Variants in CDYL2 observed in about 807,000 individuals in gnomAD.
CDYL2 encodes chromodomain Y-like protein 2.
In CDYL2, 23 loss-of-function variants were observed where a neutral mutation model predicts 49.4. The observed-to-expected ratio is 0.47, with a 90% CI of 0.34 to 0.66. The LOEUF (loss-of-function observed/expected upper bound fraction) is 0.66. Ranked by LOEUF, CDYL2 falls within the 30% of genes least tolerant of loss-of-function variation. CDYL2 has a pLI of 0.01. For missense variants in CDYL2, 678 were observed against 656.4 expected (o/e 1.03, Z -0.36); for synonymous variants, 360 against 268.8 (o/e 1.34, Z -3.32).
intron 2 of CDYL2, among the ~76,000 whole-genome samples, chr16:80,638,209 G>A (rs912993786): frequency 3.3e-5 from 5 of 151,956 alleles, no homozygotes; most frequent in Non-Finnish European, 7.4e-5. Flanking sequence ...CAAGTAGCTG[G>A]GACTACAGGC....
intron 2 of CDYL2, among the ~76,000 whole-genome samples, chr16:80,672,535 AAAAGGAAAGGAAAGG>A (rs58509953): frequency 0.012 from 551 of 46,312 alleles, 3 homozygotes; most frequent in African/African-American, 0.023. Context: ...AAGGAAAAGG[AAAAGGAAAGGAAAGG>A]AAAGGAAAGG....
intron 2 of CDYL2, among the ~76,000 whole-genome samples, chr16:80,642,600 G>A (rs1908149151): frequency 6.6e-6 from 1 of 152,252 alleles, no homozygotes; most frequent in South Asian, 2.1e-4. Context: ...AGACTGGGAA[G>A]AAAAAGAGGT....
At position 80,769,588 on chromosome 16, in the gene CDYL2, T is replaced by C. The variant is rs535885411; in HGVS notation, c.24+34562A>G. Among the ~76,000 whole-genome samples the C allele has an allele frequency of 2.0e-5, 3 of 152,266 alleles. No homozygotes were observed. In the East Asian group the frequency reaches 5.8e-4, roughly 29 times the overall value. On this transcript the variant is annotated intron_variant, in intron 1 of 6. Coordinates refer to ENST00000570137, the MANE Select transcript of CDYL2 (RefSeq NM_152342.4). ...ATAGGGAGGAACCTTCAGCAGACAA[T>C]GTAAGCTTCTGGTCATGTCAACAGG... is the stretch of plus-strand genomic sequence containing the variant.
intron 1 of CDYL2, among the ~76,000 whole-genome samples, chr16:80,712,674 G>T (rs1904660701): frequency 6.6e-6 from 1 of 152,092 alleles, no homozygotes; most frequent in African/African-American, 2.4e-5. Flanking sequence ...CCCCCAAAAG[G>T]TGCCTATGGG....
rs150886950 is a variant in CDYL2 at position 80,740,591 on chromosome 16, G to T, written c.25-55462C>A. 8.2e-4 allele frequency among the ~76,000 whole-genome samples: 125 copies of T among 152,238 alleles called. 1 individual carries two copies. The East Asian group carries it at 0.021, about 25-fold the overall frequency. On this transcript the variant is annotated intron_variant, in intron 1 of 6. Coordinates refer to ENST00000570137, the MANE Select transcript of CDYL2 (RefSeq NM_152342.4). ...CAAAAGAATCTCTAAAATATTATTTGCATACACAGTCATATATCTTCACAG... is the reference window on the plus strand; with the variant it reads ...CAAAAGAATCTCTAAAATATTATTTTCATACACAGTCATATATCTTCACAG...
At chr16:80,648,986 T>C (rs894830627) in intron 2 of CDYL2, among the ~76,000 whole-genome samples, 1 of 152,054 alleles carries the variant, frequency 6.6e-6, no homozygotes, top group Non-Finnish European at 1.5e-5. Context: ...ATAGAAGGAA[T>C]ATACCTCAAC....
chr16:80,709,633 C>T (rs922111616), intron 1 of CDYL2, among the ~76,000 whole-genome samples: 4 of 151,690 alleles, frequency 2.6e-5, no homozygotes, highest in African/African-American at 7.3e-5. Flanking sequence ...GTTCACCAAG[C>T]GAGTGTGTTC....
At chr16:80,710,704 C>T (rs769457665) in intron 1 of CDYL2, among the ~76,000 whole-genome samples, 1 of 152,020 alleles carries the variant, frequency 6.6e-6, no homozygotes, top group Admixed American at 6.6e-5. Context: ...ATCTATTGTA[C>T]ATCTTGAAAA....
intron 1 of CDYL2, among the ~76,000 whole-genome samples, chr16:80,794,598 A>ATTTTTTT (rs966789395): frequency 9.0e-5 from 6 of 66,864 alleles, no homozygotes; most frequent in Non-Finnish European, 1.2e-4. Flanking sequence ...ATTCCCAGTG[A>ATTTTTTT]TTTTTTTTTT....
At chr16:80,791,368 T>A (rs999004508) in intron 1 of CDYL2, among the ~76,000 whole-genome samples, 3 of 152,216 alleles carry the variant, frequency 2.0e-5, no homozygotes, top group Non-Finnish European at 4.4e-5. Context: ...TTAAACAGAT[T>A]GGTTTTTGAG....
intron 5 of CDYL2, among the ~76,000 whole-genome samples, chr16:80,608,894 C>T (rs758067017): frequency 2.0e-5 from 3 of 152,226 alleles, no homozygotes; most frequent in Non-Finnish European, 4.4e-5. Flanking sequence ...TTCTGCTTTC[C>T]AGCTGGGAGA....
Position 80,599,121 on chromosome 16 carries a change from A to G in CDYL2, c.*5267T>C, listed in dbSNP as rs532109997. The G allele has an allele frequency of 2.0e-5, 3 of 152,346 alleles. No homozygotes were observed. In the East Asian group the frequency reaches 5.8e-4, roughly 29 times the overall value. The allele number at this position is 152,346 out of a possible 1,614,324, so 9.4% of individuals were successfully genotyped here. The stretch of plus-strand genomic sequence containing the variant: ...TCAGGCTAGAAATAAGAGCTCCAGC[A>G]TCAGGCTAGATGTTGGATCAATGAT... On this transcript the variant is annotated 3_prime_UTR_variant, in exon 7 of 7. Coordinates refer to ENST00000570137, the MANE Select transcript of CDYL2 (RefSeq NM_152342.4).
At chr16:80,705,458 C>A (rs1280750423) in intron 1 of CDYL2, among the ~76,000 whole-genome samples, 2 of 152,224 alleles carry the variant, frequency 1.3e-5, no homozygotes, top group Non-Finnish European at 2.9e-5. Context: ...TTCTAGGGAG[C>A]CCATCTGCTT....
chr16:80,711,219 T>C (rs1904584142), intron 1 of CDYL2, among the ~76,000 whole-genome samples: 2 of 152,342 alleles, frequency 1.3e-5, no homozygotes, highest in South Asian at 4.1e-4. Flanking sequence ...GACAACTTTC[T>C]GGACAAAGCA....
At chr16:80,739,656 T>C (rs1005028709) in intron 1 of CDYL2, among the ~76,000 whole-genome samples, 2 of 152,044 alleles carry the variant, frequency 1.3e-5, no homozygotes, top group East Asian at 1.9e-4. Context: ...TGCTCTGCCA[T>C]CCACACCGCC....
chr16:80,771,284 T>C (rs967172371), intron 1 of CDYL2, among the ~76,000 whole-genome samples: 4 of 152,222 alleles, frequency 2.6e-5, no homozygotes, highest in Non-Finnish European at 2.9e-5. Context: ...GACAAGAAGA[T>C]GAGAACTGGC....
chr16:80,745,114 T>C (rs888386708), intron 1 of CDYL2, among the ~76,000 whole-genome samples: 1 of 152,154 alleles, frequency 6.6e-6, no homozygotes, highest in Admixed American at 6.5e-5. Context: ...TCCCCCACGC[T>C]GGGGGCAGGT....
chr16:80,740,866 C>T (rs1905709477), intron 1 of CDYL2, among the ~76,000 whole-genome samples: 1 of 150,430 alleles, frequency 6.6e-6, no homozygotes, highest in South Asian at 2.1e-4. Context: ...AGAGGTTTTA[C>T]CAAATAGAGA....
At chr16:80,765,897 A>AAT (rs1906707369) in intron 1 of CDYL2, among the ~76,000 whole-genome samples, 1 of 148,102 alleles carries the variant, frequency 6.8e-6, no homozygotes, top group African/African-American at 2.5e-5. Context: ...AAAAAAAAAA[A>AAT]GGAATGAAGT....
Sources: allele counts gnomAD v4.1 joint callset (sites outside exome capture counted in the v4.1 genomes callset), GRCh38; gene constraint gnomAD v4.1.1; transcripts MANE v1.5; gene names NCBI Gene and HGNC (gene_info 2026-07-23, HGNC 2026-07-21).